The following GLIS3 variants were observed in gnomAD, a reference collection of about 807,000 sequenced individuals.
The protein encoded by GLIS3 is GLIS family zinc finger 3, also known as zinc finger protein GLIS3.
A neutral mutation model predicts 78.6 loss-of-function variants in GLIS3; 53 were observed. The observed-to-expected ratio is 0.67, with a 90% CI of 0.54 to 0.85. The LOEUF (loss-of-function observed/expected upper bound fraction) is 0.85. GLIS3 is among the 40% of genes least tolerant of loss of function. The pLI is 0.00. For missense variants in GLIS3, 1,703 were observed against 1,231.1 expected (o/e 1.38, Z -5.74); for synonymous variants, 684 against 509.9 (o/e 1.34, Z -4.60).
At chr9:4,413,620 G>C in the GLIS3 span, among the ~76,000 whole-genome samples, 7 of 151,978 alleles carry the variant, frequency 4.6e-5, no homozygotes, top group Admixed American at 2.0e-4. Context: ...GTTCTGTAAA[G>C]GGCCCAGATT....
intron 4 of GLIS3, among the ~76,000 whole-genome samples, chr9:3,986,669 G>A (rs940735029): frequency 2.6e-5 from 4 of 152,214 alleles, no homozygotes; most frequent in African/African-American, 4.8e-5. Context: ...CTGGCGGCCT[G>A]ACTGTGAAGC....
the GLIS3 span, among the ~76,000 whole-genome samples, chr9:4,475,220 T>C: frequency 4.6e-5 from 7 of 152,036 alleles, no homozygotes; most frequent in African/African-American, 1.4e-4. Context: ...GTATTTGAAA[T>C]ACATATGTCC....
At chr9:4,124,316 A>C (rs1261596042) in intron 3 of GLIS3, among the ~76,000 whole-genome samples, 1 of 152,226 alleles carries the variant, frequency 6.6e-6, no homozygotes, top group Non-Finnish European at 1.5e-5. Flanking sequence ...TATGCCAGAA[A>C]ACAATGAGAT....
the GLIS3 span, among the ~76,000 whole-genome samples, chr9:4,448,288 C>G: frequency 2.0e-5 from 3 of 152,146 alleles, no homozygotes; most frequent in Non-Finnish European, 4.4e-5. Flanking sequence ...ATTTGAGAAC[C>G]TAGAGGCAAA....
intron 8 of GLIS3, among the ~76,000 whole-genome samples, chr9:3,869,080 C>T (rs1209482410): frequency 2.0e-5 from 3 of 152,138 alleles, no homozygotes; most frequent in Non-Finnish European, 2.9e-5. Flanking sequence ...TCTTATTTAC[C>T]ACTATAGCCT....
At chr9:4,366,045 C>G in the GLIS3 span, among the ~76,000 whole-genome samples, 14 of 152,110 alleles carry the variant, frequency 9.2e-5, no homozygotes, top group Non-Finnish European at 1.0e-4. Context: ...GAAAATGCTT[C>G]GGTGGTGAAC....
chr9:3,935,639 G>C (rs1025361683), intron 5 of GLIS3, among the ~76,000 whole-genome samples: 2 of 152,142 alleles, frequency 1.3e-5, no homozygotes, highest in Admixed American at 1.3e-4. Flanking sequence ...CATGATAAAG[G>C]TTAATGACGA....
chr9:4,010,094 G>C (rs571802079), intron 4 of GLIS3, among the ~76,000 whole-genome samples: 1 of 151,998 alleles, frequency 6.6e-6, no homozygotes, highest in Non-Finnish European at 1.5e-5. Context: ...TCCGAGTTGT[G>C]GCAATCAAAA....
intron 4 of GLIS3, among the ~76,000 whole-genome samples, chr9:3,982,180 T>G (rs1431010535): frequency 6.6e-6 from 1 of 151,650 alleles, no homozygotes; most frequent in African/African-American, 2.4e-5. Context: ...GATTTGCCCT[T>G]CCTCTACCAG....
chr9:4,359,120 G>A, the GLIS3 span, among the ~76,000 whole-genome samples: 3 of 152,062 alleles, frequency 2.0e-5, no homozygotes, highest in African/African-American at 4.8e-5. Flanking sequence ...TCCTGCGGTC[G>A]AAAGTGGCTT....
the GLIS3 span, among the ~76,000 whole-genome samples, chr9:4,402,699 A>T: frequency 1.3e-5 from 2 of 152,216 alleles, no homozygotes; most frequent in Non-Finnish European, 2.9e-5. Context: ...AATGCATTAG[A>T]GTCTCTTAAT....
At chr9:4,132,208 G>T (rs1616327) in intron 2 of GLIS3, among the ~76,000 whole-genome samples, 115,092 of 152,032 alleles carry the variant, frequency 0.76, 43,891 homozygotes, top group African/African-American at 0.85. Context: ...TGATGTATTT[G>T]AAACATGTGT....
chr9:4,374,293 A>T, the GLIS3 span, among the ~76,000 whole-genome samples: 41 of 152,306 alleles, frequency 2.7e-4, 1 homozygote, highest in Admixed American at 1.5e-3. Context: ...TAAATCCTCT[A>T]TATCTTACTC....
chr9:4,444,478 G>C, the GLIS3 span, among the ~76,000 whole-genome samples: 9 of 152,196 alleles, frequency 5.9e-5, no homozygotes, highest in Non-Finnish European at 1.3e-4. Flanking sequence ...GCTCTAATCT[G>C]TCTGTCCTAT....
intron 9 of GLIS3, among the ~76,000 whole-genome samples, chr9:3,844,882 G>A (rs369108886): frequency 2.2e-4 from 33 of 152,058 alleles, no homozygotes; most frequent in Non-Finnish European, 4.0e-4. Flanking sequence ...TTTACAAATC[G>A]GCAAAATACT....
chr9:3,931,396 G>T (rs892999302), intron 6 of GLIS3, among the ~76,000 whole-genome samples: 1 of 152,142 alleles, frequency 6.6e-6, no homozygotes, highest in African/African-American at 2.4e-5. Flanking sequence ...AAGCCACGGT[G>T]ACCTGAAACC....
the GLIS3 span, among the ~76,000 whole-genome samples, chr9:4,353,410 G>A: frequency 1.3e-5 from 2 of 152,240 alleles, no homozygotes; most frequent in South Asian, 4.1e-4. Flanking sequence ...GGGAGTTAAC[G>A]AGCAGCAAAA....
chr9:4,254,195 T>G (rs914533797), intron 2 of GLIS3, among the ~76,000 whole-genome samples: 8 of 152,190 alleles, frequency 5.3e-5, no homozygotes, highest in African/African-American at 1.9e-4. Flanking sequence ...TGTACAAACA[T>G]AAATAAGATT....
At chr9:4,338,572 C>G (rs1817789060) in intron 2 of GLIS3, among the ~76,000 whole-genome samples, 1 of 152,188 alleles carries the variant, frequency 6.6e-6, no homozygotes, top group Admixed American at 6.5e-5. Flanking sequence ...ATGTGGCTAC[C>G]ACTGAATTTC....
Sources: allele counts gnomAD v4.1 joint callset (sites outside exome capture counted in the v4.1 genomes callset), GRCh38; gene constraint gnomAD v4.1.1; transcripts MANE v1.5; gene names NCBI Gene and HGNC (gene_info 2026-07-23, HGNC 2026-07-21).